EI24: variants seen among roughly 807,000 people sequenced by gnomAD.
EI24 encodes the protein EI24 autophagy associated transmembrane protein.
Under a neutral mutation model 48.6 loss-of-function variants are expected in EI24, and 21 were observed. That is an observed-to-expected ratio of 0.43 (90% confidence interval 0.31 to 0.62). The LOEUF (loss-of-function observed/expected upper bound fraction) is 0.62. Ranked by LOEUF, EI24 falls within the 20% of genes least tolerant of loss-of-function variation. The pLI is 0.10. For missense variants in EI24, 280 were observed against 410.5 expected, an observed-to-expected ratio of 0.68 and a Z score of 2.75; for synonymous variants, 114 against 145.5, an observed-to-expected ratio of 0.78 and a Z score of 1.56.
rs944030344 is a variant in EI24, at chr11:125,576,349, A to G, written c.249+34A>G. The G allele has an allele frequency of 4.4e-6, 7 of 1,599,500 alleles. No individual in the cohort carries two copies. In the African/African-American group the frequency reaches 9.4e-5, roughly 21 times the overall value. On this transcript the variant is annotated intron_variant, in intron 4 of 10. Coordinates refer to ENST00000278903, the MANE Select transcript of EI24 (RefSeq NM_004879.5). ...TTTAAATTCCAGGTGCCTTATAAGC[A>G]TCTTCAGATTGTTGCTGGGTTGATA...
chr11:125,583,671 T>A lies in EI24; in HGVS notation c.1011T>A (p.Thr337=). ...CGTCGCCTGCCAAACTGAAGGCTAC[T>A]GCAGGTCACTGAGTTGCCTGCCATC... ...PHPSPAKLKA[T]AGH Residue 337 remains threonine (T), a synonymous_variant, in exon 11 of 11, where the codon ACT becomes ACA. Coordinates refer to ENST00000278903, the MANE Select transcript of EI24 (RefSeq NM_004879.5). 6.2e-7 allele frequency: 1 copy of A among 1,612,610 alleles called. No individual in the cohort carries two copies. The highest frequency in any genetic ancestry group is 8.5e-7 in the Non-Finnish European group (1 of 1,179,340).
chr11:125,583,392 A>T (rs1020002408), intron 10 of EI24, 129 bp from the exon 11 acceptor site: 2 of 783,668 alleles, frequency 2.6e-6, no homozygotes, highest in Non-Finnish European at 4.0e-6. Flanking sequence ...TAATATCTGT[A>T]TTTCCTTGAT....
At chr11:125,582,548 A>G (rs1345952123) in intron 10 of EI24, 128 bp downstream of exon 10, 8 of 689,270 alleles carry the variant, frequency 1.2e-5, no homozygotes, top group Non-Finnish European at 1.6e-5. Context: ...AGGTTTAATG[A>G]GAGAGAAACA....
intron 9 of EI24, 81 bp downstream of exon 9, chr11:125,581,403 G>A (rs1490578118): frequency 3.6e-6 from 3 of 825,336 alleles, no homozygotes; most frequent in Non-Finnish European, 5.8e-6. Flanking sequence ...GCTTCGTTCT[G>A]TTTCGCATTC....
rs920075286 is a variant in EI24 at position 125,576,261 on chromosome 11, A to C, written c.195A>C (p.Pro65=). 6.2e-7 allele frequency: 1 copy of C among 1,613,842 alleles called. No homozygotes were observed. Among genetic ancestry groups the C allele is most frequent in the Non-Finnish European group, 8.5e-7 (1 of 1,179,814 alleles). ...TACATGTGATCTTTTCCAGTGAGCC[A>C]CGTATTGTTAGTAGAATTTTCCAGT... is the stretch of plus-strand genomic sequence containing the variant. ...QSIERKQESE[P]RIVSRIFQCC... The change falls in exon 4 of 11, where the codon CCA becomes CCC. Residue 65 remains proline, a synonymous_variant. Coordinates refer to ENST00000278903, the MANE Select transcript of EI24 (RefSeq NM_004879.5).
chr11:125,577,739 C>A, intron 5 of EI24, 169 bp downstream of exon 5: 1 of 610,726 alleles, frequency 1.6e-6, no homozygotes, highest in Non-Finnish European at 2.7e-6. Context: ...CTCCTAGAGG[C>A]CCTTTAAGAA....
chr11:125,581,435 G>A, intron 9 of EI24, 113 bp downstream of exon 9: 1 of 549,804 alleles, frequency 1.8e-6, no homozygotes, highest in Admixed American at 2.8e-5. Context: ...TTGTCCATCA[G>A]GAGACCTGCA....
rs1393703034 is a variant in EI24 at position 125,576,149 on chromosome 11, A to G, written c.189-106A>G. On this transcript the variant is annotated intron_variant, in intron 3 of 10. Coordinates refer to ENST00000278903, the MANE Select transcript of EI24 (RefSeq NM_004879.5). ...AACATTGGGAGAACATGAGGCACTG[A>G]AAAATAATACAGTACCCACAAAAGA... The G allele has an allele frequency of 5.3e-6, 6 of 1,138,888 alleles. No homozygotes were observed. In the East Asian group the frequency reaches 1.5e-4, roughly 29 times the overall value. The allele number at this position is 1,138,888 out of a possible 1,614,324, so 70.5% of individuals were successfully genotyped here.
At chr11:125,576,172 A>C in intron 3 of EI24, 83 bp from the exon 4 acceptor site, 1 of 1,308,616 alleles carries the variant, frequency 7.6e-7, no homozygotes, top group Non-Finnish European at 1.1e-6. Flanking sequence ...TACCCACAAA[A>C]GATAAGATAT....
chr11:125,575,235 A>G, intron 2 of EI24, 28 bp from the exon 3 acceptor site: 1 of 1,511,426 alleles, frequency 6.6e-7, no homozygotes, highest in South Asian at 1.2e-5. Flanking sequence ...TCAAATAATA[A>G]TAATAATAAT....
chr11:125,584,052 G>T lies in EI24; in HGVS notation c.*369G>T. The T allele has an allele frequency of 4.6e-6, 1 of 215,830 alleles. No individual in the cohort carries two copies. Among genetic ancestry groups the T allele is most frequent in the South Asian group, 6.4e-5 (1 of 15,678 alleles). 13.4% of individuals were successfully genotyped at this position (215,830 alleles called of 1,614,324 possible). ...TACCACCCTTGGATGAATGGATTTTGTAATTCTAGCTGTTGTATTTTGTGA... is the reference window on the plus strand; with the variant it reads ...TACCACCCTTGGATGAATGGATTTTTTAATTCTAGCTGTTGTATTTTGTGA... On this transcript the variant is annotated 3_prime_UTR_variant, in exon 11 of 11. Transcript: ENST00000278903.
chr11:125,582,301 T>C (rs1375934389), intron 9 of EI24, 45 bp from the exon 10 acceptor site: 2 of 1,471,876 alleles, frequency 1.4e-6, no homozygotes, highest in East Asian at 4.9e-5. Context: ...AAGTCATGTC[T>C]GTTATGAAGG....
In EI24 at chr11:125,580,338, G is replaced by A. The variant is rs189583518; in HGVS notation, c.673+134G>A. ...GAGGGAAGCAGCCTCATTGGCAAGA[G>A]GGAGCTTACCTTCGGCTTAGTGGGT... On this transcript the variant is annotated intron_variant, in intron 8 of 10. Transcript: ENST00000278903. 95 of 703,464 alleles carry A rather than the reference G, an allele frequency of 1.4e-4. No individual in the cohort carries two copies. In the African/African-American group the frequency reaches 1.6e-3, roughly 12 times the overall value. The allele number at this position is 703,464 out of a possible 1,614,324, so 43.6% of individuals were successfully genotyped here.
chr11:125,579,968 C>T (rs954713347), intron 7 of EI24, 125 bp from the exon 8 acceptor site: 1 of 773,886 alleles, frequency 1.3e-6, no homozygotes, highest in Non-Finnish European at 2.3e-6. Context: ...CCACCCTGCA[C>T]TCGGCCTTTT....
In EI24 at chr11:125,575,291, G is replaced by T; in HGVS notation, c.71G>T (p.Cys24Phe). 14 of 1,552,410 alleles carry T rather than the reference G, an allele frequency of 9.0e-6. No individual in the cohort carries two copies. Among genetic ancestry groups the T allele is most frequent in the Non-Finnish European group, 1.2e-5 (14 of 1,147,530 alleles). ...RGIKDSIWGI[C>F]TISKLDARIQ... ...ATCAAAGACTCCATCTGGGGTATTT[G>T]TACCATCTCAAAGCTAGATGCTCGA... The change falls in exon 3 of 11, where the codon TGT (cysteine) becomes TTT (phenylalanine). Residue 24 changes from cysteine to phenylalanine, a missense_variant. Physicochemically the swap from Cys to Phe is radical, Grantham distance 205 (BLOSUM62 -2). Around this residue, in one of 3 missense-constraint regions of EI24, gnomAD observed 204 missense variants for 294.1 expected, o/e 0.69. Coordinates refer to ENST00000278903, the MANE Select transcript of EI24 (RefSeq NM_004879.5).
chr11:125,578,826 C>T, intron 6 of EI24, 123 bp from the exon 7 acceptor site: 1 of 1,201,332 alleles, frequency 8.3e-7, no homozygotes, highest in East Asian at 2.6e-5. Context: ...CCATCGTGCC[C>T]AGCTTATTTT....
chr11:125,573,152 C>T (rs927688419), intron 2 of EI24, among the ~76,000 whole-genome samples: 5 of 151,994 alleles, frequency 3.3e-5, no homozygotes, highest in African/African-American at 7.2e-5. Context: ...GTGATCCACC[C>T]GCCTTGTCCT....
In EI24 at chr11:125,579,436, T is replaced by G. The variant is rs567325114; in HGVS notation, c.561+368T>G. 3.6e-3 allele frequency among the ~76,000 whole-genome samples: 541 copies of G among 151,090 alleles called. 1 individual carries two copies. The highest frequency in any genetic ancestry group is 0.013 in the African/African-American group (526 of 41,128). On this transcript the variant is annotated intron_variant, in intron 7 of 10. Coordinates refer to ENST00000278903, the MANE Select transcript of EI24 (RefSeq NM_004879.5). Reference sequence around the variant, plus strand: ...ATCCCAGCACTTTGGGAGGCCGAGGTGGGCGGATCACCTAAGGTCAGGCAT... The same window carrying G: ...ATCCCAGCACTTTGGGAGGCCGAGGGGGGCGGATCACCTAAGGTCAGGCAT...
intron 9 of EI24, among the ~76,000 whole-genome samples, 161 bp from the exon 10 acceptor site, chr11:125,582,185 C>T (rs11220136): frequency 0.075 from 11,361 of 151,564 alleles, 484 homozygotes; most frequent in African/African-American, 0.1. Context: ...GCGACAAGAA[C>T]GCGACTCCAT....
Sources: gnomAD v4.1 joint callset for allele counts (sites outside exome capture counted in the v4.1 genomes callset) on GRCh38, gnomAD v4.1.1 for gene constraint, gnomAD v4.1.1 regional missense constraint, MANE v1.5 for transcripts, NCBI Gene and HGNC (gene_info 2026-07-23, HGNC 2026-07-21) for gene names.